Variants in RAPGEF2 observed in about 807,000 individuals in gnomAD.
RAPGEF2 encodes PDZ domain containing guanine nucleotide exchange factor (GEF) 1.
In RAPGEF2, 54 loss-of-function variants were observed where a neutral mutation model predicts 186.7. The observed-to-expected ratio is 0.29, with a 90% CI of 0.23 to 0.36. The LOEUF (loss-of-function observed/expected upper bound fraction) is 0.36. Ranked by LOEUF, RAPGEF2 falls within the 10% of genes least tolerant of loss-of-function variation. The pLI is 1.00. For synonymous variants in RAPGEF2, 712 were observed against 705.9 expected, an observed-to-expected ratio of 1.01 and a Z score of -0.14; for missense variants, 1,532 against 2,045.0, an observed-to-expected ratio of 0.75 and a Z score of 4.84.
intron 26 of RAPGEF2, 101 bp downstream of exon 26, chr4:159,350,390 C>A: frequency 9.8e-7 from 1 of 1,017,136 alleles, no homozygotes; most frequent in Non-Finnish European, 1.3e-6. Flanking sequence ...ACATTATAGT[C>A]ATTTAAGATG....
At chr4:159,213,575 A>G (rs1422396038) in intron 4 of RAPGEF2, among the ~76,000 whole-genome samples, 3 of 152,362 alleles carry the variant, frequency 2.0e-5, no homozygotes, top group Admixed American at 6.5e-5. Flanking sequence ...GATGATATAT[A>G]TGGCAGAAAA....
chr4:159,341,521 T>G, intron 19 of RAPGEF2, 43 bp from the exon 20 acceptor site: 1 of 1,523,390 alleles, frequency 6.6e-7, no homozygotes, highest in Non-Finnish European at 8.8e-7. Context: ...ATCATGAGAT[T>G]GCTGCTTAGG....
At chr4:159,324,494 A>G (rs1339885717) in intron 11 of RAPGEF2, among the ~76,000 whole-genome samples, 3 of 152,250 alleles carry the variant, frequency 2.0e-5, no homozygotes, top group African/African-American at 7.2e-5. Flanking sequence ...TAATAATCTC[A>G]TCAAAATATG....
intron 11 of RAPGEF2, chr4:159,329,189 C>T (rs759322568): frequency 5.3e-5 from 8 of 151,916 alleles, no homozygotes; most frequent in Non-Finnish European, 1.2e-4. Flanking sequence ...AGTGGTTTGC[C>T]CTAAGCTCTG....
chr4:159,293,283 T>C (rs1761483108), intron 7 of RAPGEF2, among the ~76,000 whole-genome samples: 1 of 152,216 alleles, frequency 6.6e-6, no homozygotes, highest in Non-Finnish European at 1.5e-5. Context: ...TCGGTTTCTT[T>C]TCATCTTTGC....
intron 7 of RAPGEF2, among the ~76,000 whole-genome samples, chr4:159,278,426 C>A (rs1307810399): frequency 6.6e-6 from 1 of 152,178 alleles, no homozygotes; most frequent in Non-Finnish European, 1.5e-5. Context: ...CCTAAGGAAC[C>A]TGAGTACTGA....
chr4:159,348,214 C>T (rs1317986943), intron 25 of RAPGEF2, among the ~76,000 whole-genome samples: 2 of 145,658 alleles, frequency 1.4e-5, no homozygotes, highest in Non-Finnish European at 3.0e-5. Context: ...GAGCAAGACT[C>T]TGTCGATAGA....
In RAPGEF2 at chr4:159,341,785, A is replaced by G. The variant is rs1729505162; in HGVS notation, c.2756A>G (p.Lys919Arg). 1 of 1,614,076 alleles carries G rather than the reference A, an allele frequency of 6.2e-7. No individual in the cohort carries two copies. The highest frequency in any genetic ancestry group is 8.5e-7 in the Non-Finnish European group (1 of 1,179,946). ...TCAAAAACCAGCTGTGCCAACCTGA[A>G]GAGATTTGAAGAAGTCATTAACCAG... ...LRSKTSCANL[K>R]RFEEVINQET... The change falls in exon 20 of 30, where the codon AAG (lysine) becomes AGG (arginine). Residue 919 changes from lysine (K) to arginine (R), a missense_variant. Around this residue, in one of 4 missense-constraint regions of RAPGEF2, gnomAD observed 810 missense variants for 1,210.5 expected, o/e 0.67. Coordinates refer to ENST00000691494, the MANE Select transcript of RAPGEF2 (RefSeq NM_001394067.2).
intron 1 of RAPGEF2, among the ~76,000 whole-genome samples, chr4:159,141,131 C>T (rs774897458): frequency 2.0e-5 from 3 of 152,168 alleles, no homozygotes; most frequent in African/African-American, 4.8e-5. Flanking sequence ...AAAATACAAA[C>T]GCTTTGCAAC....
At chr4:159,183,456 AC>A (rs1228954972) in intron 1 of RAPGEF2, among the ~76,000 whole-genome samples, 1 of 152,226 alleles carries the variant, frequency 6.6e-6, no homozygotes, top group Non-Finnish European at 1.5e-5. Flanking sequence ...AAACCATACA[AC>A]TTTTAGAAGA....
At chr4:159,175,950 G>T (rs777683827) in intron 1 of RAPGEF2, among the ~76,000 whole-genome samples, 1 of 152,182 alleles carries the variant, frequency 6.6e-6, no homozygotes, top group Non-Finnish European at 1.5e-5. Context: ...AAGAGAAGAC[G>T]AGTGTCTTTG....
chr4:159,209,972 T>C (rs1367874728), intron 3 of RAPGEF2, among the ~76,000 whole-genome samples: 2 of 152,348 alleles, frequency 1.3e-5, no homozygotes, highest in East Asian at 3.9e-4. Context: ...CTCTGAGTTA[T>C]TGCAAAAGAA....
In RAPGEF2 at chr4:159,359,489, G is replaced by C. The variant is rs898819575; in HGVS notation, c.*1350G>C. 2 of 152,084 alleles carry C rather than the reference G, an allele frequency of 1.3e-5. No individual in the cohort carries two copies. Among genetic ancestry groups the C allele is most frequent in the African/African-American group, 4.8e-5 (2 of 41,392 alleles). 9.4% of individuals were successfully genotyped at this position (152,084 alleles called of 1,614,324 possible). A position where few individuals can be genotyped will look rare whatever the true frequency, so the allele number is the denominator to read the frequency against. On this transcript the variant is annotated 3_prime_UTR_variant, in exon 30 of 30. Coordinates refer to ENST00000691494, the MANE Select transcript of RAPGEF2 (RefSeq NM_001394067.2). ...GAAATGACCCCTCCACTCTATTTTT[G>C]TGTTGTTTTGCACAGACTCCGGAAA...
At chr4:159,148,560 T>C (rs1483971830) in intron 1 of RAPGEF2, among the ~76,000 whole-genome samples, 2 of 152,196 alleles carry the variant, frequency 1.3e-5, no homozygotes, top group African/African-American at 4.8e-5. Context: ...TCTTAACACA[T>C]ATGGTGGTCC....
At chr4:159,302,435 A>G (rs1219894870) in intron 7 of RAPGEF2, among the ~76,000 whole-genome samples, 3 of 152,208 alleles carry the variant, frequency 2.0e-5, no homozygotes, top group Non-Finnish European at 4.4e-5. Context: ...AATTACATGT[A>G]TTGATTGATG....
At chr4:159,246,757 T>C (rs28680990) in intron 7 of RAPGEF2, among the ~76,000 whole-genome samples, 40,976 of 152,062 alleles carry the variant, frequency 0.27, 6,439 homozygotes, top group African/African-American at 0.43. Flanking sequence ...ATGTCTTTGC[T>C]TTATCATTTA....
At chr4:159,319,741 A>G (rs1282002479) in intron 9 of RAPGEF2, among the ~76,000 whole-genome samples, 1 of 151,262 alleles carries the variant, frequency 6.6e-6, no homozygotes, top group African/African-American at 2.4e-5. Context: ...CTTACAATAT[A>G]TGATATGCAG....
chr4:159,330,166 CATTA>C (rs1231057323), intron 12 of RAPGEF2, among the ~76,000 whole-genome samples, 156 bp downstream of exon 12: 1 of 151,618 alleles, frequency 6.6e-6, no homozygotes, highest in Non-Finnish European at 1.5e-5. Flanking sequence ...ATAGCAGTTT[CATTA>C]ATTGTTAACT....
rs765912139 is a variant in RAPGEF2, at chr4:159,339,067, A to G, written c.2294-47A>G. The G allele has an allele frequency of 7.0e-6, 11 of 1,578,548 alleles. 1 individual carries two copies. Among genetic ancestry groups the G allele is most frequent in the South Asian group, 2.3e-5 (2 of 85,388 alleles). On this transcript the variant is annotated intron_variant, in intron 18 of 29. Transcript: ENST00000691494. ...TTACTTTGCTTAATTGCATTGCCAT[A>G]TATTAAAATTCTTTCTACTTATGTG...
Sources: gnomAD v4.1 joint callset for allele counts (sites outside exome capture counted in the v4.1 genomes callset) on GRCh38, gnomAD v4.1.1 for gene constraint, gnomAD v4.1.1 regional missense constraint, MANE v1.5 for transcripts, NCBI Gene and HGNC (gene_info 2026-07-23, HGNC 2026-07-21) for gene names.